Variants in PHACTR3 observed in about 807,000 individuals in gnomAD.
PHACTR3 encodes the protein protein phosphatase 1, regulatory subunit 123.
PHACTR3 carries 16 observed loss-of-function variants against 66.8 expected under a neutral mutation model. That is an observed-to-expected ratio of 0.24 (90% CI 0.16 to 0.36). The LOEUF is 0.36. Among genes scored for constraint, PHACTR3 ranks in the 10% least tolerant of loss-of-function variants. The probability of loss-of-function intolerance (pLI) is 1.00; values close to 1 mark genes in which losing one functional copy is unlikely to be tolerated. For synonymous variants in PHACTR3, 323 were observed against 292.1 expected (o/e 1.11, Z -1.08); for missense variants, 647 against 719.9 (o/e 0.90, Z 1.16).
chr20:59,608,813 A>C (rs1345183142), intron 1 of PHACTR3, among the ~76,000 whole-genome samples: 1 of 151,908 alleles, frequency 6.6e-6, no homozygotes, highest in African/African-American at 2.4e-5. Context: ...GGGAACTCTG[A>C]TCTCATTTCT....
At chr20:59,755,504 C>T (rs1032744994) in intron 4 of PHACTR3, 140 bp downstream of exon 4, 1 of 965,960 alleles carries the variant, frequency 1.0e-6, no homozygotes, top group Non-Finnish European at 1.5e-6. Flanking sequence ...CTAAGCGCTG[C>T]CATGCTGTGC....
chr20:59,593,324 C>A (rs1447193132), intron 1 of PHACTR3, among the ~76,000 whole-genome samples: 1 of 152,156 alleles, frequency 6.6e-6, no homozygotes, highest in Non-Finnish European at 1.5e-5. Context: ...TCTATTCAGG[C>A]TTTTGGCCCA....
At chr20:59,789,311 C>T (rs932171637) in intron 7 of PHACTR3, among the ~76,000 whole-genome samples, 4 of 152,112 alleles carry the variant, frequency 2.6e-5, no homozygotes, top group Non-Finnish European at 5.9e-5. Flanking sequence ...AGCTATGTAA[C>T]GGGTTCTGTG....
At chr20:59,819,629 C>A (rs2145413864) in intron 8 of PHACTR3, among the ~76,000 whole-genome samples, 1 of 152,292 alleles carries the variant, frequency 6.6e-6, no homozygotes, top group South Asian at 2.1e-4. Context: ...GTTGCCACCC[C>A]CGTGTGTGGC....
chr20:59,765,722 C>T (rs764647122), intron 4 of PHACTR3, among the ~76,000 whole-genome samples: 2 of 152,140 alleles, frequency 1.3e-5, no homozygotes, highest in South Asian at 2.1e-4. Flanking sequence ...TGTAACACCC[C>T]CTCCCTGACC....
At chr20:59,681,952 G>T (rs2036668235) in intron 1 of PHACTR3, among the ~76,000 whole-genome samples, 1 of 152,142 alleles carries the variant, frequency 6.6e-6, no homozygotes, top group East Asian at 1.9e-4. Flanking sequence ...GGAGGTTGCG[G>T]TGAGCAGAGA....
At chr20:59,846,707 G>T (rs1398435199) in intron 12 of PHACTR3, among the ~76,000 whole-genome samples, 1 of 152,064 alleles carries the variant, frequency 6.6e-6, no homozygotes, top group African/African-American at 2.4e-5. Flanking sequence ...AGTCAGAACG[G>T]TATTTTTGGT....
At chr20:59,635,145 TTCTTTTTCTTTC>T (rs1475232578) in intron 1 of PHACTR3, among the ~76,000 whole-genome samples, 17 of 55,054 alleles carry the variant, frequency 3.1e-4, no homozygotes, top group African/African-American at 7.9e-4. Context: ...CTTTCTTTCT[TTCTTTTTCTTTC>T]TTTCTTTCTT....
intron 1 of PHACTR3, among the ~76,000 whole-genome samples, chr20:59,678,183 C>G (rs1477948241): frequency 6.6e-6 from 1 of 152,068 alleles, no homozygotes; most frequent in Admixed American, 6.6e-5. Context: ...GGTATTAACT[C>G]TTTGGTTGCC....
intron 8 of PHACTR3, among the ~76,000 whole-genome samples, chr20:59,833,879 A>G (rs1600741189): frequency 1.3e-5 from 2 of 152,184 alleles, no homozygotes; most frequent in Admixed American, 1.3e-4. Context: ...CAGGCGCTGG[A>G]GGGAAGTTTT....
At chr20:59,681,272 A>G (rs1453693919) in intron 1 of PHACTR3, among the ~76,000 whole-genome samples, 1 of 152,136 alleles carries the variant, frequency 6.6e-6, no homozygotes, top group Non-Finnish European at 1.5e-5. Context: ...ACGTACACAC[A>G]TGTGCACATG....
chr20:59,700,921 CTA>C (rs372832006), intron 1 of PHACTR3, among the ~76,000 whole-genome samples: 88 of 152,112 alleles, frequency 5.8e-4, no homozygotes, highest in African/African-American at 2.0e-3. Flanking sequence ...TCCCAAGTAG[CTA>C]TGATTACAGG....
At chr20:59,707,955 T>C (rs1967609369) in intron 1 of PHACTR3, among the ~76,000 whole-genome samples, 1 of 152,184 alleles carries the variant, frequency 6.6e-6, no homozygotes, top group Non-Finnish European at 1.5e-5. Context: ...TTTAACAATG[T>C]GAAATGGACT....
chr20:59,604,425 C>G (rs2033583708), upstream of PHACTR3: 2 of 195,066 alleles, frequency 1.0e-5, no homozygotes, highest in Admixed American at 6.5e-5. Context: ...ATGTGCGACC[C>G]CTCCCAGTGG....
chr20:59,644,779 C>T (rs909566853), intron 1 of PHACTR3, among the ~76,000 whole-genome samples: 4 of 152,190 alleles, frequency 2.6e-5, no homozygotes, highest in East Asian at 1.9e-4. Flanking sequence ...CTGCACCCTG[C>T]GCCTTCCCTT....
chr20:59,683,629 G>A (rs2036745950), intron 1 of PHACTR3, among the ~76,000 whole-genome samples: 2 of 152,108 alleles, frequency 1.3e-5, no homozygotes, highest in Admixed American at 1.3e-4. Flanking sequence ...GTTCAAGTTA[G>A]GCATAGTCTC....
At chr20:59,774,860 G>A (rs544146671) in intron 7 of PHACTR3, among the ~76,000 whole-genome samples, 137 of 152,140 alleles carry the variant, frequency 9.0e-4, no homozygotes, top group African/African-American at 3.2e-3. Flanking sequence ...CAGATGCTCA[G>A]TGTACAGAAG....
chr20:59,773,274 C>T lies in PHACTR3; in HGVS notation c.752-5C>T, dbSNP rs1222076799. The stretch of plus-strand genomic sequence containing the variant: ...ATGTTCTTGCTGCTTCCTCCCACAC[C>T]CCAGGCCAAGCCACACTCTTCCAAG... On this transcript the variant is annotated splice_polypyrimidine_tract_variant and splice_region_variant and intron_variant, in intron 5 of 12. Coordinates refer to ENST00000371015, the MANE Select transcript of PHACTR3 (RefSeq NM_080672.5). The T allele has an allele frequency of 3.1e-6, 5 of 1,612,322 alleles. No individual in the cohort carries two copies. Among genetic ancestry groups the T allele is most frequent in the African/African-American group, 1.3e-5 (1 of 74,896 alleles).
At chr20:59,724,438 A>G (rs1601194822) in intron 1 of PHACTR3, among the ~76,000 whole-genome samples, 1 of 152,126 alleles carries the variant, frequency 6.6e-6, no homozygotes, top group South Asian at 2.1e-4. Context: ...AGGCATCTGA[A>G]TGGGGAGGAA....
Sources: allele counts gnomAD v4.1 joint callset (sites outside exome capture counted in the v4.1 genomes callset), GRCh38; gene constraint gnomAD v4.1.1; transcripts MANE v1.5; gene names NCBI Gene and HGNC (gene_info 2026-07-23, HGNC 2026-07-21).